GRIP1: variants seen among roughly 807,000 people sequenced by gnomAD.
The protein encoded by GRIP1 is glutamate receptor interacting protein 1.
In GRIP1, 45 loss-of-function variants were observed where a neutral mutation model predicts 129.9. That is an observed-to-expected ratio of 0.35 (90% confidence interval 0.27 to 0.44). GRIP1 has a LOEUF of 0.44. Among genes scored for constraint, GRIP1 ranks in the 20% least tolerant of loss-of-function variants. GRIP1 has a pLI of 1.00. For missense variants in GRIP1, 1,196 were observed against 1,396.8 expected (o/e 0.86, Z 2.29); for synonymous variants, 530 against 520.8 (o/e 1.02, Z -0.24).
intron 23 of GRIP1, among the ~76,000 whole-genome samples, chr12:66,371,485 A>G (rs2055493342): frequency 6.6e-6 from 1 of 152,186 alleles, no homozygotes; most frequent in African/African-American, 2.4e-5. Context: ...TGATAAATAC[A>G]TTGCTTGAAA....
intron 1 of GRIP1, among the ~76,000 whole-genome samples, chr12:66,820,417 G>C (rs181366370): frequency 8.1e-4 from 124 of 152,314 alleles, no homozygotes; most frequent in African/African-American, 2.8e-3. Context: ...ATGCAAAATG[G>C]TACAGCTACT....
At chr12:66,760,223 T>C (rs922165452) in intron 1 of GRIP1, among the ~76,000 whole-genome samples, 1 of 152,242 alleles carries the variant, frequency 6.6e-6, no homozygotes, top group African/African-American at 2.4e-5. Flanking sequence ...CACATTTTCC[T>C]GTCTTCTTCT....
intron 7 of GRIP1, among the ~76,000 whole-genome samples, chr12:66,499,932 C>T (rs1420168619): frequency 6.6e-6 from 1 of 152,106 alleles, no homozygotes; most frequent in Non-Finnish European, 1.5e-5. Context: ...ATAGCTTGAG[C>T]CCAGGGGGTC....
chr12:66,940,020 A>G (rs1226815031), intron 1 of GRIP1, among the ~76,000 whole-genome samples: 1 of 152,196 alleles, frequency 6.6e-6, no homozygotes, highest in Non-Finnish European at 1.5e-5. Flanking sequence ...TAATTTCTAA[A>G]AGGTATAATA....
rs750568069 is a variant in GRIP1, at chr12:66,539,071, T to A, written c.418+7A>T. On this transcript the variant is annotated splice_region_variant and intron_variant, in intron 4 of 24. Transcript: ENST00000359742. ...CCCCTATGGATAAGGGGGGCTACTG[T>A]ACTTACAGACCGGTGGAAGCTCGTA... 1.2e-6 allele frequency: 2 copies of A among 1,613,006 alleles called. No individual in the cohort carries two copies. Among genetic ancestry groups the A allele is most frequent in the Non-Finnish European group, 1.7e-6 (2 of 1,178,984 alleles).
chr12:66,410,456 A>G (rs1252816883), intron 15 of GRIP1, among the ~76,000 whole-genome samples: 19 of 141,470 alleles, frequency 1.3e-4, no homozygotes, highest in Non-Finnish European at 1.5e-4. Context: ...ACATGGTGAA[A>G]GCCCGTCTCT....
intron 1 of GRIP1, among the ~76,000 whole-genome samples, chr12:66,887,666 T>G (rs2040587679): frequency 6.6e-6 from 1 of 152,246 alleles, no homozygotes; most frequent in African/African-American, 2.4e-5. Context: ...CTCATGTATT[T>G]CTATTCTAAA....
chr12:66,442,180 T>C (rs576882820), intron 13 of GRIP1, among the ~76,000 whole-genome samples: 2 of 152,348 alleles, frequency 1.3e-5, no homozygotes, highest in Admixed American at 6.5e-5. Context: ...CTAAATTCCT[T>C]ACCAGACACT....
intron 2 of GRIP1, among the ~76,000 whole-genome samples, chr12:66,585,177 G>A (rs1287488284): frequency 1.4e-5 from 2 of 144,386 alleles, no homozygotes; most frequent in Non-Finnish European, 1.5e-5. Flanking sequence ...ATGTATACAT[G>A]TGCCATGCTG....
chr12:66,701,898 G>T (rs1262320466), intron 1 of GRIP1, among the ~76,000 whole-genome samples: 1 of 152,112 alleles, frequency 6.6e-6, no homozygotes, highest in East Asian at 1.9e-4. Flanking sequence ...ATACTTAATT[G>T]GTCCTCACTC....
chr12:66,509,462 A>C (rs1416055445), intron 7 of GRIP1, among the ~76,000 whole-genome samples: 2 of 152,180 alleles, frequency 1.3e-5, no homozygotes, highest in Non-Finnish European at 2.9e-5. Flanking sequence ...AATTTGTCTG[A>C]CTTTAAAAGG....
At chr12:66,599,521 A>T (rs565712389) in intron 1 of GRIP1, among the ~76,000 whole-genome samples, 1 of 152,294 alleles carries the variant, frequency 6.6e-6, no homozygotes, top group African/African-American at 2.4e-5. Context: ...TACCCATCAC[A>T]GAATAAACAC....
chr12:66,776,861 AG>A (rs2037996969), intron 1 of GRIP1, among the ~76,000 whole-genome samples: 1 of 152,238 alleles, frequency 6.6e-6, no homozygotes, highest in African/African-American at 2.4e-5. Context: ...ACATTTGTAC[AG>A]CTTTTTCAGA....
At chr12:66,935,061 T>A (rs147801554) in intron 1 of GRIP1, among the ~76,000 whole-genome samples, 1 of 152,316 alleles carries the variant, frequency 6.6e-6, no homozygotes, top group East Asian at 1.9e-4. Context: ...CATTTATTGT[T>A]CTCTTGTATC....
intron 5 of GRIP1, among the ~76,000 whole-genome samples, chr12:66,518,709 G>A (rs941834476): frequency 6.6e-6 from 1 of 152,178 alleles, no homozygotes; most frequent in African/African-American, 2.4e-5. Flanking sequence ...CTTACTAGAT[G>A]TGAGGCTGCT....
intron 1 of GRIP1, among the ~76,000 whole-genome samples, chr12:66,949,626 A>C (rs2041723474): frequency 6.6e-6 from 1 of 152,140 alleles, no homozygotes; most frequent in African/African-American, 2.4e-5. Context: ...TCTTATTTTA[A>C]AAAGTAGACA....
At chr12:66,600,216 A>T (rs1351871980) in intron 1 of GRIP1, among the ~76,000 whole-genome samples, 1 of 152,244 alleles carries the variant, frequency 6.6e-6, no homozygotes, top group Non-Finnish European at 1.5e-5. Context: ...AAAATTCAAA[A>T]GCAATGTCAA....
chr12:66,712,071 G>A (rs2035730263), intron 1 of GRIP1, among the ~76,000 whole-genome samples: 1 of 151,872 alleles, frequency 6.6e-6, no homozygotes, highest in Non-Finnish European at 1.5e-5. Flanking sequence ...TAAGAAACAT[G>A]GGTGCTATCA....
chr12:66,609,301 T>C (rs780924458), intron 1 of GRIP1, among the ~76,000 whole-genome samples: 16 of 152,274 alleles, frequency 1.1e-4, no homozygotes, highest in Non-Finnish European at 2.2e-4. Flanking sequence ...AACTGGGACC[T>C]GACCATTATA....
Sources: allele counts gnomAD v4.1 joint callset (sites outside exome capture counted in the v4.1 genomes callset), GRCh38; gene constraint gnomAD v4.1.1; transcripts MANE v1.5; gene names NCBI Gene and HGNC (gene_info 2026-07-23, HGNC 2026-07-21).